CCBE1: variants seen among roughly 807,000 people sequenced by gnomAD.
The protein encoded by CCBE1 is collagen and calcium-binding EGF domain-containing protein 1.
Under a neutral mutation model 50.0 loss-of-function variants are expected in CCBE1, and 37 were observed. That is an observed-to-expected ratio of 0.74 (90% confidence interval 0.57 to 0.97). The LOEUF (loss-of-function observed/expected upper bound fraction) is 0.97. Among genes scored for constraint, CCBE1 ranks in the 50% least tolerant of loss-of-function variants. The probability of loss-of-function intolerance (pLI) is 0.00; values close to 1 mark genes in which losing one functional copy is unlikely to be tolerated. For missense variants in CCBE1, 538 were observed against 523.8 expected (o/e 1.03, Z -0.26); for synonymous variants, 234 against 203.7 (o/e 1.15, Z -1.27).
intron 2 of CCBE1, among the ~76,000 whole-genome samples, chr18:59,668,418 A>AAATAATAATAATAATAATAAT (rs58896218): frequency 1.1e-3 from 159 of 150,312 alleles, no homozygotes; most frequent in African/African-American, 3.7e-3. Flanking sequence ...CTCCATCTCA[A>AAATAATAATAATAATAATAAT]AATAATAATA....
At chr18:59,556,380 A>G (rs559826736) in intron 2 of CCBE1, among the ~76,000 whole-genome samples, 35 of 152,304 alleles carry the variant, frequency 2.3e-4, no homozygotes, top group South Asian at 1.5e-3. Context: ...GACTCCAATC[A>G]GCAGGACAGG....
intron 2 of CCBE1, among the ~76,000 whole-genome samples, chr18:59,658,321 TAAAAA>T (rs1157998930): frequency 0.079 from 504 of 6,420 alleles, 102 homozygotes; most frequent in South Asian, 0.088. Flanking sequence ...ACCCTGTCTC[TAAAAA>T]AAAAAAAAAA....
At chr18:59,593,604 TA>T (rs2053306003) in intron 2 of CCBE1, among the ~76,000 whole-genome samples, 1 of 152,248 alleles carries the variant, frequency 6.6e-6, no homozygotes, top group Non-Finnish European at 1.5e-5. Flanking sequence ...CTAGTGTTCT[TA>T]CATAAGAGCT....
At position 59,502,295 on chromosome 18, in the gene CCBE1, C is replaced by T. The variant is rs117787745; in HGVS notation, c.213-22057G>A. On this transcript the variant is annotated intron_variant, in intron 2 of 10. Transcript: ENST00000439986. ...AACCTATGCTGAGCAACTGCACCCT[C>T]GCCTTGAAACCTAAACAATCCCTGG... 1.4e-4 allele frequency among the ~76,000 whole-genome samples: 22 copies of T among 152,298 alleles called. No individual in the cohort carries two copies. In the East Asian group the frequency reaches 3.1e-3, roughly 21 times the overall value.
intron 2 of CCBE1, chr18:59,688,140 T>C (rs1319736512): frequency 1.3e-5 from 2 of 152,178 alleles, no homozygotes; most frequent in Non-Finnish European, 2.9e-5. Flanking sequence ...TATCATTTGA[T>C]CTTTGAATGT....
intron 2 of CCBE1, among the ~76,000 whole-genome samples, chr18:59,483,516 C>T (rs755787694): frequency 6.6e-6 from 1 of 152,188 alleles, no homozygotes; most frequent in Non-Finnish European, 1.5e-5. Flanking sequence ...CAATTTGCTG[C>T]ACTACAATTT....
rs760413344 is a variant in CCBE1, at chr18:59,696,651, C to T, written c.190G>A (p.Gly64Ser). Residue 64 changes from glycine to serine, a missense_variant, in exon 2 of 11, where the codon GGC (glycine) becomes AGC (serine). Coordinates refer to ENST00000439986, the MANE Select transcript of CCBE1 (RefSeq NM_133459.4). ...TTKYPCLKSS[G>S]ELTTCYRKKC... ...TACCTGTAGCATGTGGTGAGCTCGC[C>T]TGAAGACTTCAGACACGGGTATTTA... is the stretch of plus-strand genomic sequence containing the variant. 15 of 1,613,966 alleles carry T rather than the reference C, an allele frequency of 9.3e-6. No homozygotes were observed. In the African/African-American group the frequency reaches 2.0e-4, roughly 22 times the overall value.
intron 2 of CCBE1, among the ~76,000 whole-genome samples, chr18:59,583,935 A>C (rs2053134348): frequency 6.6e-6 from 1 of 152,178 alleles, no homozygotes; most frequent in African/African-American, 2.4e-5. Context: ...TGTGGAAGTC[A>C]GTGTGGCGAT....
intron 7 of CCBE1, 140 bp downstream of exon 7, chr18:59,447,843 G>T: frequency 7.9e-7 from 1 of 1,259,660 alleles, no homozygotes; most frequent in Non-Finnish European, 1.1e-6. Flanking sequence ...CATTGCATGG[G>T]TGTGTGGCAG....
chr18:59,480,007 T>C (rs1320972459), intron 3 of CCBE1, among the ~76,000 whole-genome samples, 179 bp downstream of exon 3: 1 of 152,224 alleles, frequency 6.6e-6, no homozygotes, highest in Non-Finnish European at 1.5e-5. Context: ...ATTCAGACAC[T>C]GCACGCTACA....
intron 2 of CCBE1, among the ~76,000 whole-genome samples, chr18:59,524,887 G>A (rs754676207): frequency 3.3e-5 from 5 of 152,142 alleles, no homozygotes; most frequent in African/African-American, 4.8e-5. Context: ...GAGGATAATG[G>A]CTTCCAGCTC....
At chr18:59,638,734 T>G (rs1403489458) in intron 2 of CCBE1, among the ~76,000 whole-genome samples, 2 of 152,230 alleles carry the variant, frequency 1.3e-5, no homozygotes, top group Non-Finnish European at 2.9e-5. Flanking sequence ...AGCCCAGATC[T>G]TAAATTAATT....
intron 5 of CCBE1, among the ~76,000 whole-genome samples, chr18:59,457,229 T>C (rs1303490692): frequency 1.3e-5 from 2 of 152,218 alleles, no homozygotes; most frequent in African/African-American, 2.4e-5. Context: ...CTCCCTTCAA[T>C]TGGTGCACTG....
At chr18:59,599,278 G>A (rs1257052857) in intron 2 of CCBE1, among the ~76,000 whole-genome samples, 5 of 152,086 alleles carry the variant, frequency 3.3e-5, no homozygotes, top group African/African-American at 9.7e-5. Context: ...TTATGTGCCA[G>A]GTACCATGCT....
rs1242617993 is a variant in CCBE1 at position 59,433,927 on chromosome 18, A to C, written c.*1981T>G. ...TTTTTTTTTTTTTTTAATGAGACAG[A>C]GTCTCCCTCTGTTGCCTAGGCTGGA... On this transcript the variant is annotated 3_prime_UTR_variant, in exon 11 of 11. Coordinates refer to ENST00000439986, the MANE Select transcript of CCBE1 (RefSeq NM_133459.4). 9.7e-6 allele frequency: 1 copy of C among 103,278 alleles called. No homozygotes were observed. Among genetic ancestry groups the C allele is most frequent in the African/African-American group, 4.1e-5 (1 of 24,320 alleles). 6.4% of individuals were successfully genotyped at this position (103,278 alleles called of 1,614,324 possible).
chr18:59,660,498 A>T (rs145817275), intron 2 of CCBE1, among the ~76,000 whole-genome samples: 5 of 152,228 alleles, frequency 3.3e-5, no homozygotes, highest in Non-Finnish European at 5.9e-5. Flanking sequence ...CCCTTGTGAT[A>T]TTCTGGGTAT....
chr18:59,534,003 TGA>T (rs891404459), intron 2 of CCBE1, among the ~76,000 whole-genome samples: 1 of 152,048 alleles, frequency 6.6e-6, no homozygotes, highest in African/African-American at 2.4e-5. Context: ...CCCATTTCAT[TGA>T]GAGATTCCAA....
chr18:59,672,795 A>G lies in CCBE1; in HGVS notation c.212+23834T>C, dbSNP rs936875422. 3.9e-5 allele frequency among the ~76,000 whole-genome samples: 6 copies of G among 152,346 alleles called. No homozygotes were observed. In the South Asian group the frequency reaches 1.0e-3, roughly 26 times the overall value. ...GGATACAAGAATAAAACTGTATTTT[A>G]TAAGTGGGAACTAAACTATGAGGAT... is the stretch of plus-strand genomic sequence containing the variant. On this transcript the variant is annotated intron_variant, in intron 2 of 10. Coordinates refer to ENST00000439986, the MANE Select transcript of CCBE1 (RefSeq NM_133459.4).
In CCBE1 at chr18:59,596,668, G is replaced by T. The variant is rs75575418; in HGVS notation, c.212+99961C>A. On this transcript the variant is annotated intron_variant, in intron 2 of 10. Transcript: ENST00000439986. ...AGCTGAGAAGAGAGCTCATATCCAC[G>T]TCTCTCGTTTTACACAATTGAGACA... 3.0e-3 allele frequency among the ~76,000 whole-genome samples: 450 copies of T among 152,270 alleles called. 5 individuals carry two copies. The highest frequency in any genetic ancestry group is 0.01 in the African/African-American group (427 of 41,532).
Sources: gnomAD v4.1 joint callset for allele counts (sites outside exome capture counted in the v4.1 genomes callset) on GRCh38, gnomAD v4.1.1 for gene constraint, MANE v1.5 for transcripts, NCBI Gene and HGNC (gene_info 2026-07-23, HGNC 2026-07-21) for gene names.